AKAP13: variants seen among roughly 807,000 people sequenced by gnomAD.
AKAP13 encodes A-kinase anchor protein 13.
AKAP13 carries 80 observed loss-of-function variants against 264.5 expected under a neutral mutation model. The ratio of observed to expected loss-of-function variants is 0.30; its 90% confidence interval spans 0.25 to 0.36. AKAP13 has a LOEUF of 0.36. Ranked by LOEUF, AKAP13 falls within the 10% of genes least tolerant of loss-of-function variation. AKAP13 has a pLI of 1.00. For synonymous variants in AKAP13, 1,380 were observed against 1,250.2 expected (o/e 1.10, Z -2.19); for missense variants, 3,712 against 3,435.2 (o/e 1.08, Z -2.01).
chr15:85,684,976 T>C, intron 16 of AKAP13, 103 bp downstream of exon 16: 1 of 1,354,566 alleles, frequency 7.4e-7, no homozygotes, highest in Non-Finnish European at 9.9e-7. Context: ...TAAATGGAAA[T>C]AAATTCAGGA....
intron 5 of AKAP13, among the ~76,000 whole-genome samples, chr15:85,559,701 G>A (rs1270068296): frequency 7.7e-6 from 1 of 129,322 alleles, no homozygotes; most frequent in Non-Finnish European, 1.6e-5. Context: ...TAGTGCCACC[G>A]TTGATCCGAC....
chr15:85,417,432 T>C (rs117831074), intron 1 of AKAP13, among the ~76,000 whole-genome samples: 2,943 of 152,254 alleles, frequency 0.019, 50 homozygotes, highest in Middle Eastern at 0.034. Context: ...AGTTAGAAAA[T>C]ATTCGTTTAT....
intron 2 of AKAP13, chr15:85,520,544 CT>C: frequency 2.7e-6 from 1 of 374,378 alleles, no homozygotes; most frequent in Admixed American, 3.4e-5. Context: ...ACAAAGATGT[CT>C]TACCTTCTAG....
chr15:85,563,122 A>T (rs547889532), intron 5 of AKAP13, among the ~76,000 whole-genome samples: 2 of 152,092 alleles, frequency 1.3e-5, no homozygotes, highest in Admixed American at 1.3e-4. Context: ...TAGCACCTGT[A>T]CTTTTCCCAT....
chr15:85,539,756 G>C (rs1419398481), intron 4 of AKAP13, among the ~76,000 whole-genome samples: 1 of 152,184 alleles, frequency 6.6e-6, no homozygotes, highest in East Asian at 1.9e-4. Context: ...TCTGTGGGTA[G>C]AGGCTAAGCC....
At chr15:85,623,378 C>T (rs576315769) in intron 8 of AKAP13, among the ~76,000 whole-genome samples, 1 of 152,096 alleles carries the variant, frequency 6.6e-6, no homozygotes, top group South Asian at 2.1e-4. Flanking sequence ...AAATTGTGAG[C>T]CTGTCACTTT....
Position 85,745,514 on chromosome 15 carries a change from T to C in AKAP13, c.*837T>C, listed in dbSNP as rs1214324367. 1 of 152,194 alleles carries C rather than the reference T, an allele frequency of 6.6e-6. No individual in the cohort carries two copies. The highest frequency in any genetic ancestry group is 1.5e-5 in the Non-Finnish European group (1 of 68,034). The allele number at this position is 152,194 out of a possible 1,614,324, so 9.4% of individuals were successfully genotyped here. A position where few individuals can be genotyped will look rare whatever the true frequency, so the allele number is the denominator to read the frequency against. ...CCACATGTTTTGGCCATGGATAAAG[T>C]GAAGAGGCCTACTCACCATTATCCC... On this transcript the variant is annotated 3_prime_UTR_variant, in exon 37 of 37. Coordinates refer to ENST00000394518, the MANE Select transcript of AKAP13 (RefSeq NM_007200.5).
intron 3 of AKAP13, among the ~76,000 whole-genome samples, chr15:85,530,784 A>G (rs1212776898): frequency 5.9e-5 from 9 of 152,210 alleles, no homozygotes. Flanking sequence ...TCCATCGTTC[A>G]TCATCCATCC....
chr15:85,426,100 TC>T (rs2072764086), intron 1 of AKAP13, among the ~76,000 whole-genome samples: 2 of 152,224 alleles, frequency 1.3e-5, no homozygotes, highest in South Asian at 2.1e-4. Flanking sequence ...TATAGGATAA[TC>T]CTTGGTTCAT....
chr15:85,610,977 C>T (rs928297835), intron 8 of AKAP13, among the ~76,000 whole-genome samples: 1 of 151,988 alleles, frequency 6.6e-6, no homozygotes, highest in African/African-American at 2.4e-5. Flanking sequence ...GAAACTCCAC[C>T]CCCCCACTCC....
chr15:85,559,664 G>A (rs1175732144), intron 5 of AKAP13, among the ~76,000 whole-genome samples: 4 of 129,270 alleles, frequency 3.1e-5, no homozygotes, highest in African/African-American at 1.2e-4. Context: ...CGCAGTTCAC[G>A]ATAGGGTTCA....
At chr15:85,448,735 TG>T (rs1418439446) in intron 1 of AKAP13, among the ~76,000 whole-genome samples, 1 of 152,152 alleles carries the variant, frequency 6.6e-6, no homozygotes, top group Non-Finnish European at 1.5e-5. Context: ...GTGCCTGTTT[TG>T]TACCAGTACC....
At chr15:85,723,038 GC>G (rs1448848126) in intron 25 of AKAP13, 33 bp from the exon 26 acceptor site, 1 of 1,599,920 alleles carries the variant, frequency 6.3e-7, no homozygotes, top group African/African-American at 1.3e-5. Flanking sequence ...TCCAAAAAGA[GC>G]CATAAAAAAC....
chr15:85,473,319 T>A (rs994711920), intron 1 of AKAP13, among the ~76,000 whole-genome samples: 11 of 152,126 alleles, frequency 7.2e-5, no homozygotes, highest in African/African-American at 2.7e-4. Context: ...CAATTTGATG[T>A]GGAAGGCACA....
intron 8 of AKAP13, among the ~76,000 whole-genome samples, chr15:85,605,964 ATTTG>A (rs1211335679): frequency 1.3e-5 from 2 of 152,084 alleles, no homozygotes; most frequent in East Asian, 1.9e-4. Context: ...TACTAGTACC[ATTTG>A]TTTGTAGTGG....
chr15:85,637,808 G>A (rs1192332254), intron 8 of AKAP13, among the ~76,000 whole-genome samples: 4 of 149,512 alleles, frequency 2.7e-5, no homozygotes, highest in Non-Finnish European at 5.9e-5. Context: ...TTTATATGTG[G>A]TGTTTTAATT....
rs2085383629 is a variant in AKAP13, at chr15:85,693,140, T to TGCCCA, written c.5290-137_5290-136insGCCCA. The TGCCCA allele has an allele frequency of 9.6e-6, 13 of 1,352,548 alleles. 1 individual carries two copies. The South Asian group carries it at 2.2e-4, about 23-fold the overall frequency. 83.8% of individuals were successfully genotyped at this position (1,352,548 alleles called of 1,614,324 possible). A position where few individuals can be genotyped will look rare whatever the true frequency, so the allele number is the denominator to read the frequency against. Reference sequence around the variant, plus strand: ...ATTTAAAAAAACAAAACAAAACACTTTGCCCAGAACTTTGTTTCTCACTCC... The same window carrying TGCCCA: ...ATTTAAAAAAACAAAACAAAACACTTGCCCATGCCCAGAACTTTGTTTCTCACTCC... On this transcript the variant is annotated intron_variant, in intron 16 of 36. Coordinates refer to ENST00000394518, the MANE Select transcript of AKAP13 (RefSeq NM_007200.5).
At chr15:85,388,534 G>C (rs773136611) in intron 1 of AKAP13, among the ~76,000 whole-genome samples, 9 of 139,232 alleles carry the variant, frequency 6.5e-5, no homozygotes, top group Non-Finnish European at 1.1e-4. Flanking sequence ...TGAGGAAATT[G>C]TCTTCTATGT....
At chr15:85,631,498 T>TCACACACACA (rs1202064107) in intron 8 of AKAP13, among the ~76,000 whole-genome samples, 100 of 66,548 alleles carry the variant, frequency 1.5e-3, no homozygotes, top group African/African-American at 4.7e-3. Context: ...TCTCTCTCTC[T>TCACACACACA]CTCTCACACA....
Sources: gnomAD v4.1 joint callset for allele counts (sites outside exome capture counted in the v4.1 genomes callset) on GRCh38, gnomAD v4.1.1 for gene constraint, MANE v1.5 for transcripts, NCBI Gene and HGNC (gene_info 2026-07-23, HGNC 2026-07-21) for gene names.